TLN2: variants seen among roughly 807,000 people sequenced by gnomAD.
TLN2 encodes talin-2.
In TLN2, 118 loss-of-function variants were observed where a neutral mutation model predicts 294.7. That is an observed-to-expected ratio of 0.40 (90% CI 0.34 to 0.47). The LOEUF (loss-of-function observed/expected upper bound fraction) is 0.47, where lower values mean the gene tolerates loss of function less well. TLN2 is among the 20% of genes least tolerant of loss of function. TLN2 has a pLI of 0.84. For missense variants in TLN2, 3,083 were observed against 3,282.2 expected, an observed-to-expected ratio of 0.94 and a Z score of 1.48; for synonymous variants, 1,431 against 1,304.5, an observed-to-expected ratio of 1.10 and a Z score of -2.09.
intron 57 of TLN2, chr15:62,838,251 C>G (rs2070033691): frequency 6.6e-6 from 1 of 152,242 alleles, no homozygotes; most frequent in Non-Finnish European, 1.5e-5. Flanking sequence ...CAGTGAGCAC[C>G]AACCATGGAC....
chr15:62,701,031 T>C (rs1321012794), intron 16 of TLN2, 75 bp from the exon 17 acceptor site: 1 of 1,334,122 alleles, frequency 7.5e-7, no homozygotes, highest in Middle Eastern at 2.2e-4. Context: ...CTGGTGTGAT[T>C]TTATGGCGGG....
At chr15:62,559,816 G>GT (rs2042815708) in intron 1 of TLN2, among the ~76,000 whole-genome samples, 1 of 152,186 alleles carries the variant, frequency 6.6e-6, no homozygotes, top group Admixed American at 6.5e-5. Context: ...CCCTCTTTTG[G>GT]TGGGGGGGTG....
intron 1 of TLN2, among the ~76,000 whole-genome samples, chr15:62,455,947 T>C (rs1156567343): frequency 2.0e-5 from 3 of 152,094 alleles, no homozygotes; most frequent in African/African-American, 7.2e-5. Context: ...TGCAGACCAG[T>C]GCAGCCAGCC....
chr15:62,436,440 T>G (rs1441255480), intron 1 of TLN2, among the ~76,000 whole-genome samples: 1 of 152,164 alleles, frequency 6.6e-6, no homozygotes, highest in East Asian at 1.9e-4. Context: ...AGGGAATGTG[T>G]CCAACCCTAT....
chr15:62,831,583 T>C (rs907631948), intron 54 of TLN2: 2 of 152,126 alleles, frequency 1.3e-5, no homozygotes, highest in African/African-American at 4.8e-5. Context: ...ATTTCCGTAT[T>C]TCAGTCACCA....
chr15:62,440,970 A>G (rs1345148574), intron 1 of TLN2, among the ~76,000 whole-genome samples: 2 of 152,202 alleles, frequency 1.3e-5, no homozygotes, highest in Non-Finnish European at 2.9e-5. Flanking sequence ...GGTTCTGGTT[A>G]TAGTCACATT....
chr15:62,652,498 C>G (rs1389120162), intron 6 of TLN2, among the ~76,000 whole-genome samples: 1 of 152,202 alleles, frequency 6.6e-6, no homozygotes, highest in Non-Finnish European at 1.5e-5. Context: ...ATTAGATAGT[C>G]TTTCTTCTTG....
intron 1 of TLN2, among the ~76,000 whole-genome samples, chr15:62,560,097 G>C (rs1454574745): frequency 6.6e-6 from 1 of 152,180 alleles, no homozygotes; most frequent in Admixed American, 6.5e-5. Context: ...GATGGCTTCG[G>C]GAAAGTGGGA....
At chr15:62,615,034 G>C (rs2048202542) in intron 2 of TLN2, among the ~76,000 whole-genome samples, 1 of 151,728 alleles carries the variant, frequency 6.6e-6, no homozygotes, top group Non-Finnish European at 1.5e-5. Context: ...TCGAACTCCT[G>C]ACCTCAGGGG....
Position 62,763,210 on chromosome 15 carries a change from CT to C in TLN2, c.4962-341del, listed in dbSNP as rs1325771607. Reference sequence around the variant, plus strand: ...TGTTTGCACTGGAAGCAGTGCTGACCTTTTTTTTTTTTCTTTTTTTTTTTTT... The same window carrying C: ...TGTTTGCACTGGAAGCAGTGCTGACCTTTTTTTTTTTCTTTTTTTTTTTTT... On this transcript the variant is annotated intron_variant, in intron 39 of 58. Transcript: ENST00000636159. 7.7e-4 allele frequency: 110 copies of C among 143,704 alleles called. No homozygotes were observed. The Middle Eastern group carries it at 0.013, about 18-fold the overall frequency. 8.9% of individuals were successfully genotyped at this position (143,704 alleles called of 1,614,324 possible).
chr15:62,656,284 A>C (rs534670416), intron 8 of TLN2, among the ~76,000 whole-genome samples, 198 bp downstream of exon 8: 1 of 152,284 alleles, frequency 6.6e-6, no homozygotes, highest in East Asian at 1.9e-4. Context: ...GACCATCCGG[A>C]GTAGGGCCTC....
intron 52 of TLN2, among the ~76,000 whole-genome samples, chr15:62,813,764 A>C (rs1371408650): frequency 2.0e-5 from 3 of 152,006 alleles, no homozygotes; most frequent in African/African-American, 7.2e-5. Context: ...GTAAAGATGG[A>C]GGAGATATAG....
At chr15:62,401,601 G>A (rs968593851) in intron 1 of TLN2, among the ~76,000 whole-genome samples, 1 of 152,134 alleles carries the variant, frequency 6.6e-6, no homozygotes, top group Non-Finnish European at 1.5e-5. Context: ...GCATTGGTGG[G>A]TAAGTTCTCC....
Position 62,740,612 on chromosome 15 carries a change from C to G in TLN2, c.3886-18C>G, listed in dbSNP as rs550778716. 11 of 1,613,874 alleles carry G rather than the reference C, an allele frequency of 6.8e-6. No homozygotes were observed. Among genetic ancestry groups the G allele is most frequent in the Non-Finnish European group, 9.3e-6 (11 of 1,179,962 alleles). On this transcript the variant is annotated intron_variant, in intron 31 of 58. Transcript: ENST00000636159. ...AATGGACAGGCCCTAATAGCTCCGG[C>G]TCCTTTTGACCTTCCAGACAAAAGA...
intron 1 of TLN2, among the ~76,000 whole-genome samples, chr15:62,589,308 C>G (rs1596266252): frequency 6.6e-6 from 1 of 152,154 alleles, no homozygotes; most frequent in East Asian, 1.9e-4. Flanking sequence ...AAGACAAGAG[C>G]ACCTCATGTA....
intron 1 of TLN2, among the ~76,000 whole-genome samples, chr15:62,571,441 C>T (rs190809526): frequency 2.6e-5 from 4 of 152,316 alleles, no homozygotes; most frequent in Admixed American, 2.0e-4. Flanking sequence ...TAGACTCTAT[C>T]CCTACGGAAC....
At chr15:62,675,685 G>C (rs968630735) in intron 11 of TLN2, among the ~76,000 whole-genome samples, 2 of 152,208 alleles carry the variant, frequency 1.3e-5, no homozygotes, top group Admixed American at 1.3e-4. Context: ...CACCACTGCA[G>C]ACCAAATCGA....
chr15:62,478,320 G>T (rs761331532), intron 1 of TLN2, among the ~76,000 whole-genome samples: 28 of 152,146 alleles, frequency 1.8e-4, no homozygotes, highest in Non-Finnish European at 3.2e-4. Context: ...GCGAGATGGG[G>T]TCGCTTATTA....
intron 32 of TLN2, among the ~76,000 whole-genome samples, chr15:62,741,083 T>C (rs1264754772): frequency 6.6e-6 from 1 of 152,228 alleles, no homozygotes; most frequent in African/African-American, 2.4e-5. Flanking sequence ...CATTATATCT[T>C]TCTGATTATA....
Sources: gnomAD v4.1 joint callset for allele counts (sites outside exome capture counted in the v4.1 genomes callset) on GRCh38, gnomAD v4.1.1 for gene constraint, MANE v1.5 for transcripts, NCBI Gene and HGNC (gene_info 2026-07-23, HGNC 2026-07-21) for gene names.